Variants in SCGB2B2 observed in about 807,000 individuals in gnomAD.
The protein encoded by SCGB2B2 is secretoglobin-like protein.
SCGB2B2 carries 11 observed loss-of-function variants against 7.6 expected under a neutral mutation model. That is an observed-to-expected ratio of 1.45 (90% CI 0.91 to 2.40). The LOEUF is 2.40. Ranked by LOEUF, SCGB2B2 falls within the 30% of genes most tolerant of loss-of-function variation. SCGB2B2 has a pLI of 0.00. For missense variants in SCGB2B2, 104 were observed against 115.4 expected, an observed-to-expected ratio of 0.90 and a Z score of 0.45; for synonymous variants, 50 against 48.6, an observed-to-expected ratio of 1.03 and a Z score of -0.12.
At chr19:34,615,726 A>G (rs942510395) in intron 1 of SCGB2B2, among the ~76,000 whole-genome samples, 2 of 151,990 alleles carry the variant, frequency 1.3e-5, no homozygotes, top group African/African-American at 2.4e-5. Flanking sequence ...CTCTACTTCT[A>G]TTTTTGGAAG....
intron 1 of SCGB2B2, among the ~76,000 whole-genome samples, chr19:34,604,416 A>G (rs1032518609): frequency 3.3e-5 from 5 of 152,176 alleles, no homozygotes; most frequent in Non-Finnish European, 5.9e-5. Context: ...TTTGAGCCCA[A>G]CCTACAGGAG....
At chr19:34,657,475 A>C (rs1256966262) in intron 1 of SCGB2B2, among the ~76,000 whole-genome samples, 1 of 151,750 alleles carries the variant, frequency 6.6e-6, no homozygotes, top group African/African-American at 2.4e-5. Flanking sequence ...AACACACTTT[A>C]AACCAACAAA....
intron 1 of SCGB2B2, chr19:34,635,397 C>T: frequency 6.7e-6 from 2 of 299,100 alleles, no homozygotes; most frequent in Non-Finnish European, 1.4e-5. Flanking sequence ...AAGGTGGGTG[C>T]TTCTGCTGTA....
At chr19:34,629,022 A>G (rs1162063128) in intron 1 of SCGB2B2, among the ~76,000 whole-genome samples, 2 of 151,962 alleles carry the variant, frequency 1.3e-5, no homozygotes, top group African/African-American at 2.4e-5. Context: ...CAAAAACCAC[A>G]TGATTATCTC....
At chr19:34,649,142 G>A (rs1260163369) in intron 1 of SCGB2B2, among the ~76,000 whole-genome samples, 2 of 152,062 alleles carry the variant, frequency 1.3e-5, no homozygotes, top group Admixed American at 6.6e-5. Context: ...TCCTGACCTC[G>A]TGATCCGCCC....
rs1325133252 is a variant in SCGB2B2, at chr19:34,676,296, C to G, written c.-2698G>C. The G allele has an allele frequency of 2.0e-5, 3 of 152,166 alleles. No homozygotes were observed. The highest frequency in any genetic ancestry group is 4.4e-5 in the Non-Finnish European group (3 of 68,038). The allele number at this position is 152,166 out of a possible 1,614,324, so 9.4% of individuals were successfully genotyped here. A position where few individuals can be genotyped will look rare whatever the true frequency, so the allele number is the denominator to read the frequency against. Reference sequence around the variant, plus strand: ...CAGAAGCCCAGCTGGCTTCACCTCTCGGTTATATGCTAATTATATGCATTA... The same window carrying G: ...CAGAAGCCCAGCTGGCTTCACCTCTGGGTTATATGCTAATTATATGCATTA... On this transcript the variant is annotated 5_prime_UTR_variant, in exon 1 of 4. Coordinates refer to ENST00000601241, the MANE Select transcript of SCGB2B2 (RefSeq NM_001025591.4).
intron 1 of SCGB2B2, chr19:34,635,160 C>T (rs932350148): frequency 5.0e-5 from 15 of 297,682 alleles, no homozygotes; most frequent in Non-Finnish European, 9.1e-5. Flanking sequence ...TAAAGGATTT[C>T]CCACATTCAC....
At chr19:34,639,398 T>G (rs963084151) in intron 1 of SCGB2B2, among the ~76,000 whole-genome samples, 1 of 152,144 alleles carries the variant, frequency 6.6e-6, no homozygotes, top group Non-Finnish European at 1.5e-5. Context: ...CACTACCAAA[T>G]ATAGAAAACA....
At chr19:34,629,207 C>G (rs1007908233) in intron 1 of SCGB2B2, among the ~76,000 whole-genome samples, 18 of 152,012 alleles carry the variant, frequency 1.2e-4, no homozygotes, top group Middle Eastern at 3.4e-3. Context: ...TGAAAACTGG[C>G]ACAAGGTAGG....
At chr19:34,661,066 T>G (rs183124575) in intron 1 of SCGB2B2, among the ~76,000 whole-genome samples, 28 of 146,736 alleles carry the variant, frequency 1.9e-4, no homozygotes, top group Non-Finnish European at 3.4e-4. Context: ...TAGGTGGGAG[T>G]TGAACAATGA....
chr19:34,639,819 T>A (rs1387395462), intron 1 of SCGB2B2, among the ~76,000 whole-genome samples: 1 of 152,198 alleles, frequency 6.6e-6, no homozygotes, highest in East Asian at 1.9e-4. Context: ...CCTCTGACAG[T>A]TCCCATAATA....
In SCGB2B2 at chr19:34,592,019, T is replaced by C. The variant is rs2065308856; in HGVS notation, c.*1536A>G. On this transcript the variant is annotated 3_prime_UTR_variant, in exon 4 of 4. Transcript: ENST00000601241. ...CTGATGTGTGGCAGGGGACACTTCT[T>C]CCCTGGCTGAGTGGATGGGTGATGA... is the stretch of plus-strand genomic sequence containing the variant. 6.6e-6 allele frequency among the ~76,000 whole-genome samples: 1 copy of C among 152,108 alleles called. No individual in the cohort carries two copies. The highest frequency in any genetic ancestry group is 2.4e-5 in the African/African-American group (1 of 41,410).
chr19:34,588,446 G>A (rs561361941), downstream of SCGB2B2, among the ~76,000 whole-genome samples: 1 of 152,280 alleles, frequency 6.6e-6, no homozygotes, highest in South Asian at 2.1e-4. Flanking sequence ...GAGTCAGGCC[G>A]GGCCAGGTGG....
At chr19:34,624,411 T>C (rs978344143) in intron 1 of SCGB2B2, among the ~76,000 whole-genome samples, 2 of 152,184 alleles carry the variant, frequency 1.3e-5, no homozygotes, top group Admixed American at 6.5e-5. Context: ...GAAAGTTTAG[T>C]TGAAATCTTG....
At chr19:34,587,793 G>A (rs567950594), downstream of SCGB2B2, among the ~76,000 whole-genome samples, 1 of 152,258 alleles carries the variant, frequency 6.6e-6, no homozygotes, top group Non-Finnish European at 1.5e-5. Context: ...ATGTTCATAT[G>A]GTTCTTGTAC....
intron 1 of SCGB2B2, among the ~76,000 whole-genome samples, chr19:34,601,083 G>C (rs2065611273): frequency 6.6e-6 from 1 of 152,170 alleles, no homozygotes; most frequent in Admixed American, 6.5e-5. Context: ...GTGTGGGTAA[G>C]AGTCCAATAC....
At chr19:34,648,508 G>A (rs1453379204) in intron 1 of SCGB2B2, among the ~76,000 whole-genome samples, 1 of 152,170 alleles carries the variant, frequency 6.6e-6, no homozygotes, top group Non-Finnish European at 1.5e-5. Context: ...GTTACCATGA[G>A]TCTACCCATA....
intron 1 of SCGB2B2, chr19:34,635,409 G>T (rs2066648310): frequency 3.2e-6 from 1 of 309,130 alleles, no homozygotes; most frequent in Non-Finnish European, 6.7e-6. Flanking sequence ...TCTGCTGTAG[G>T]CTTTTCCACA....
chr19:34,588,445 C>T (rs951021265), downstream of SCGB2B2, among the ~76,000 whole-genome samples: 11 of 152,298 alleles, frequency 7.2e-5, no homozygotes, highest in South Asian at 4.1e-4. Context: ...TGAGTCAGGC[C>T]GGGCCAGGTG....
Sources: allele counts gnomAD v4.1 joint callset (sites outside exome capture counted in the v4.1 genomes callset), GRCh38; gene constraint gnomAD v4.1.1; transcripts MANE v1.5; gene names NCBI Gene and HGNC (gene_info 2026-07-23, HGNC 2026-07-21).